The following SCAPER variants were observed in gnomAD, a reference collection of about 807,000 sequenced individuals.
SCAPER encodes S phase cyclin A-associated protein in the endoplasmic reticulum.
A neutral mutation model predicts 182.2 loss-of-function variants in SCAPER; 98 were observed. That is an observed-to-expected ratio of 0.54 (90% CI 0.46 to 0.64). The LOEUF is 0.64. Among genes scored for constraint, SCAPER ranks in the 30% least tolerant of loss-of-function variants. SCAPER has a pLI of 0.00. For missense variants in SCAPER, 1,432 were observed against 1,690.0 expected (o/e 0.85, Z 2.68); for synonymous variants, 605 against 564.6 (o/e 1.07, Z -1.01).
At chr15:76,576,882 T>A (rs80083592) in intron 22 of SCAPER, 1 of 152,074 alleles carries the variant, frequency 6.6e-6, no homozygotes, top group Non-Finnish European at 1.5e-5. Flanking sequence ...GAATCGCCCA[T>A]CCTAGCACTC....
intron 8 of SCAPER, among the ~76,000 whole-genome samples, chr15:76,778,714 A>T (rs1390106515): frequency 6.6e-6 from 1 of 151,924 alleles, no homozygotes; most frequent in Non-Finnish European, 1.5e-5. Context: ...GTATGTTTTT[A>T]AGTATTAGTT....
intron 14 of SCAPER, among the ~76,000 whole-genome samples, chr15:76,755,088 T>G (rs1319060960): frequency 6.6e-6 from 1 of 152,144 alleles, no homozygotes; most frequent in Non-Finnish European, 1.5e-5. Context: ...ATGATTTTCT[T>G]GCATGAATAC....
intron 22 of SCAPER, among the ~76,000 whole-genome samples, chr15:76,616,768 T>C (rs747855987): frequency 1.3e-5 from 2 of 152,134 alleles, no homozygotes; most frequent in African/African-American, 2.4e-5. Context: ...AAGATGTATA[T>C]GGAAATTTGA....
At chr15:76,462,924 G>A (rs1236661361) in intron 25 of SCAPER, among the ~76,000 whole-genome samples, 1 of 152,100 alleles carries the variant, frequency 6.6e-6, no homozygotes, top group Non-Finnish European at 1.5e-5. Flanking sequence ...CAGTTATAGT[G>A]TTAACAGGCT....
intron 22 of SCAPER, among the ~76,000 whole-genome samples, chr15:76,592,591 G>A (rs1273712446): frequency 8.1e-6 from 1 of 123,014 alleles, no homozygotes; most frequent in African/African-American, 2.5e-5. Flanking sequence ...GCAGAAGGCA[G>A]GTGATTTCTG....
Position 76,556,052 on chromosome 15 carries a change from T to C in SCAPER, c.2838+18106A>G, listed in dbSNP as rs137932078. Among the ~76,000 whole-genome samples, 134 of 152,058 alleles carry C rather than the reference T, an allele frequency of 8.8e-4. No individual in the cohort carries two copies. The Middle Eastern group carries it at 0.017, about 19-fold the overall frequency. On this transcript the variant is annotated intron_variant, in intron 23 of 31. Coordinates refer to ENST00000563290, the MANE Select transcript of SCAPER (RefSeq NM_020843.4). ...ACCATACTCTCAGACCACAGTGCAATAAAGAGAAATGAATACTAGGACGGC... is the reference window on the plus strand; with the variant it reads ...ACCATACTCTCAGACCACAGTGCAACAAAGAGAAATGAATACTAGGACGGC...
At chr15:76,809,943 A>C (rs1432820736) in intron 5 of SCAPER, among the ~76,000 whole-genome samples, 1 of 152,236 alleles carries the variant, frequency 6.6e-6, no homozygotes, top group African/African-American at 2.4e-5. Context: ...TAAAGGCTGA[A>C]GTGATAAATT....
rs1355833218 is a variant in SCAPER, at chr15:76,594,995, A to C, written c.2712-20711T>G. ...CATAACAATATTAACCTTAAACGTA[A>C]ATGGGCTAAATGCCCTAATTAGAAG... On this transcript the variant is annotated intron_variant, in intron 22 of 31. Transcript: ENST00000563290. Among the ~76,000 whole-genome samples, 6 of 121,650 alleles carry C rather than the reference A, an allele frequency of 4.9e-5. 2 individuals are homozygous for C. The highest frequency in any genetic ancestry group is 3.7e-4 in the Admixed American group (4 of 10,684). The allele number at this position is 121,650 out of a possible 152,430, so 79.8% of individuals were successfully genotyped here.
At chr15:76,439,396 A>G (rs755194675) in intron 25 of SCAPER, among the ~76,000 whole-genome samples, 10 of 152,342 alleles carry the variant, frequency 6.6e-5, no homozygotes, top group Middle Eastern at 3.4e-3. Context: ...AGGAGAAGGT[A>G]TCTATACTGT....
At chr15:76,408,102 A>T (rs571870948) in intron 26 of SCAPER, among the ~76,000 whole-genome samples, 36 of 152,248 alleles carry the variant, frequency 2.4e-4, no homozygotes, top group South Asian at 1.0e-3. Flanking sequence ...AGTTTTTTTT[A>T]AAATTAGAAT....
chr15:76,471,607 A>G (rs2050173855), intron 24 of SCAPER, among the ~76,000 whole-genome samples: 1 of 152,206 alleles, frequency 6.6e-6, no homozygotes, highest in Non-Finnish European at 1.5e-5. Context: ...TTACCAGTCT[A>G]TGACAGTTTC....
At chr15:76,829,281 T>C (rs1598964036) in intron 5 of SCAPER, among the ~76,000 whole-genome samples, 1 of 152,258 alleles carries the variant, frequency 6.6e-6, no homozygotes, top group East Asian at 1.9e-4. Flanking sequence ...TAAAGAATGA[T>C]ATAATGGATT....
chr15:76,814,629 G>C (rs952222168), intron 5 of SCAPER, among the ~76,000 whole-genome samples: 1 of 152,032 alleles, frequency 6.6e-6, no homozygotes, highest in Non-Finnish European at 1.5e-5. Context: ...CATTAAAGAT[G>C]TAAACATGAG....
chr15:76,457,727 A>G (rs1002914080), intron 25 of SCAPER, among the ~76,000 whole-genome samples: 1 of 152,106 alleles, frequency 6.6e-6, no homozygotes, highest in Non-Finnish European at 1.5e-5. Flanking sequence ...CATATGTCAT[A>G]AACTCACAGA....
At chr15:76,736,123 T>A (rs1232520629) in intron 15 of SCAPER, among the ~76,000 whole-genome samples, 1 of 152,238 alleles carries the variant, frequency 6.6e-6, no homozygotes, top group Non-Finnish European at 1.5e-5. Flanking sequence ...AATTTCCCAA[T>A]GCATATAAGT....
chr15:76,793,250 A>G (rs1287489247), intron 8 of SCAPER: 1 of 1,079,278 alleles, frequency 9.3e-7, no homozygotes, highest in Non-Finnish European at 1.4e-6. Flanking sequence ...ATTGCAAAAT[A>G]TATATTTGGT....
rs1266725159 is a variant in SCAPER at position 76,595,145 on chromosome 15, A to G, written c.2712-20861T>C. ...GGGATGGAGGAAGATCCATGAAGCAAATGAAAAGCAAAAGAAAAGCAGGGG... is the reference window on the plus strand; with the variant it reads ...GGGATGGAGGAAGATCCATGAAGCAGATGAAAAGCAAAAGAAAAGCAGGGG... On this transcript the variant is annotated intron_variant, in intron 22 of 31. Transcript: ENST00000563290. 2.5e-5 allele frequency among the ~76,000 whole-genome samples: 3 copies of G among 121,590 alleles called. 1 individual carries two copies. The highest frequency in any genetic ancestry group is 7.6e-5 in the African/African-American group (3 of 39,728). The allele number at this position is 121,590 out of a possible 152,430, so 79.8% of individuals were successfully genotyped here. A position where few individuals can be genotyped will look rare whatever the true frequency, so the allele number is the denominator to read the frequency against.
In SCAPER at chr15:76,434,279, A is replaced by C; in HGVS notation, c.3110T>G (p.Leu1037Trp). ...AACTTGTTTATTTGTATTTCTCCCC[A>C]AAATAGTATTATTTTCATCTGGAAC... ...VYVPDENNTI[L>W]GRNTNKQVFE... Residue 1037 changes from leucine (L) to tryptophan (W), a missense_variant, in exon 26 of 32, where the codon TTG becomes TGG. Physicochemically the swap from Leu to Trp is moderately conservative, Grantham distance 61. This residue lies in a region of SCAPER where 718 missense variants were observed against 799.7 expected (regional missense o/e 0.90). Coordinates refer to ENST00000563290, the MANE Select transcript of SCAPER (RefSeq NM_020843.4). The C allele has an allele frequency of 6.2e-7, 1 of 1,612,662 alleles. No individual in the cohort carries two copies. Among genetic ancestry groups the C allele is most frequent in the South Asian group, 1.1e-5 (1 of 90,876 alleles).
At chr15:76,475,980 T>C (rs1201362653) in intron 24 of SCAPER, among the ~76,000 whole-genome samples, 1 of 152,230 alleles carries the variant, frequency 6.6e-6, no homozygotes, top group South Asian at 2.1e-4. Context: ...TCATGGTTAC[T>C]GGTTTACATA....
Sources: gnomAD v4.1 joint callset for allele counts (sites outside exome capture counted in the v4.1 genomes callset) on GRCh38, gnomAD v4.1.1 for gene constraint, gnomAD v4.1.1 regional missense constraint, MANE v1.5 for transcripts, NCBI Gene and HGNC (gene_info 2026-07-23, HGNC 2026-07-21) for gene names.